The following PCYOX1 variants were observed in gnomAD, a reference collection of about 807,000 sequenced individuals.
PCYOX1 encodes prenylcysteine lyase.
PCYOX1 carries 46 observed loss-of-function variants against 46.4 expected under a neutral mutation model. That is an observed-to-expected ratio of 0.99 (90% confidence interval 0.78 to 1.27). The LOEUF is 1.27. Ranked by LOEUF, PCYOX1 falls within the 50% of genes most tolerant of loss-of-function variation. The pLI, the probability that PCYOX1 is intolerant of heterozygous loss-of-function variation, is 0.00. For synonymous variants in PCYOX1, 220 were observed against 231.8 expected (o/e 0.95, Z 0.46); for missense variants, 658 against 628.3 (o/e 1.05, Z -0.51).
intron 3 of PCYOX1, 96 bp downstream of exon 3, chr2:70,261,482 T>G: frequency 2.4e-6 from 2 of 843,198 alleles, no homozygotes; most frequent in Non-Finnish European, 3.8e-6. Flanking sequence ...GTAAGCATTT[T>G]CTACCTCACA....
At chr2:70,270,151 C>T (rs762998788) in intron 3 of PCYOX1, among the ~76,000 whole-genome samples, 3 of 151,968 alleles carry the variant, frequency 2.0e-5, no homozygotes, top group African/African-American at 7.3e-5. Flanking sequence ...TGTGCCACCA[C>T]ACCTGGCTAA....
In PCYOX1 at chr2:70,275,546, C is replaced by CT. The variant is rs778647039; in HGVS notation, c.742dup (p.Trp248LeufsTer8). 1 of 1,614,112 alleles carries CT rather than the reference C, an allele frequency of 6.2e-7. No homozygotes were observed. Among genetic ancestry groups the CT allele is most frequent in the Non-Finnish European group, 8.5e-7 (1 of 1,179,998 alleles). ...GTCACTGTCCTGTTCTGATTCTGGC[C>CT]TTTGGGCAGTAGAAGGTGGCAATAA... On this transcript the variant is annotated frameshift_variant, in exon 5 of 6. Transcript: ENST00000433351. LOFTEE classifies it high-confidence loss of function.
At chr2:70,268,754 A>G (rs948274739) in intron 3 of PCYOX1, among the ~76,000 whole-genome samples, 1 of 151,002 alleles carries the variant, frequency 6.6e-6, no homozygotes, top group Non-Finnish European at 1.5e-5. Context: ...GAGCCATTGC[A>G]CTCCAGCCTG....
intron 2 of PCYOX1, 37 bp downstream of exon 2, chr2:70,259,603 G>A (rs1696407474): frequency 1.4e-6 from 2 of 1,404,450 alleles, no homozygotes; most frequent in African/African-American, 1.4e-5. Flanking sequence ...CCAGATTACT[G>A]TGTGACATCC....
rs756357200 is a variant in PCYOX1, at chr2:70,277,498, ATT to A, written c.*107_*108del. 20 of 934,274 alleles carry A rather than the reference ATT, an allele frequency of 2.1e-5. No individual in the cohort carries two copies. Among genetic ancestry groups the A allele is most frequent in the Admixed American group, 4.9e-5 (2 of 40,708 alleles). 57.9% of individuals were successfully genotyped at this position (934,274 alleles called of 1,614,324 possible). On this transcript the variant is annotated 3_prime_UTR_variant, in exon 6 of 6. Coordinates refer to ENST00000433351, the MANE Select transcript of PCYOX1 (RefSeq NM_016297.4). Reference sequence around the variant, plus strand: ...TTGAACCAGATATTTTGCCATTATCATTGTTTAATAAAAGTAATCCCTGCTGG... The same window carrying A: ...TTGAACCAGATATTTTGCCATTATCAGTTTAATAAAAGTAATCCCTGCTGG...
At chr2:70,268,644 A>C (rs1194378574) in intron 3 of PCYOX1, among the ~76,000 whole-genome samples, 1 of 151,970 alleles carries the variant, frequency 6.6e-6, no homozygotes. Context: ...CTAAAAATAC[A>C]AAAAATTAGC....
At position 70,279,880 on chromosome 2, in the gene PCYOX1, G is replaced by C. The variant is rs1252441502; in HGVS notation, c.*2488G>C. ...GGATCTCTTGAGGTCGGGAGTTTGAGACCAGCCTGGCCAACATGGTGAAAC... is the reference window on the plus strand; with the variant it reads ...GGATCTCTTGAGGTCGGGAGTTTGACACCAGCCTGGCCAACATGGTGAAAC... On this transcript the variant is annotated 3_prime_UTR_variant, in exon 6 of 6. Transcript: ENST00000433351. 6.6e-6 allele frequency: 1 copy of C among 152,146 alleles called. No homozygotes were observed. Among genetic ancestry groups the C allele is most frequent in the Non-Finnish European group, 1.5e-5 (1 of 68,070 alleles). The allele number at this position is 152,146 out of a possible 1,614,324, so 9.4% of individuals were successfully genotyped here.
chr2:70,258,317 G>T, intron 1 of PCYOX1, 41 bp downstream of exon 1: 1 of 1,354,386 alleles, frequency 7.4e-7, no homozygotes, highest in Non-Finnish European at 9.8e-7. Context: ...GCTGGAGCGC[G>T]CCCCGCGCCG....
At position 70,277,031 on chromosome 2, in the gene PCYOX1, T is replaced by C. The variant is rs1386932236; in HGVS notation, c.1157T>C (p.Val386Ala). ...SDLFINSIGI[V>A]PSVREKEDPE... ...TTGTTCATTAACAGTATTGGGATTG[T>C]GCCCTCTGTGAGAGAAAAGGAAGAT... is the stretch of plus-strand genomic sequence containing the variant. The change falls in exon 6 of 6, where the codon GTG (valine) becomes GCG (alanine). Residue 386 changes from valine (V) to alanine (A), a missense_variant. Val to Ala is a moderately conservative substitution (Grantham distance 64). Coordinates refer to ENST00000433351, the MANE Select transcript of PCYOX1 (RefSeq NM_016297.4). The C allele has an allele frequency of 1.2e-6, 2 of 1,614,006 alleles. No individual in the cohort carries two copies. The highest frequency in any genetic ancestry group is 8.5e-7 in the Non-Finnish European group (1 of 1,179,826).
chr2:70,268,765 G>T (rs1270616356), intron 3 of PCYOX1, among the ~76,000 whole-genome samples: 1 of 151,198 alleles, frequency 6.6e-6, no homozygotes, highest in Non-Finnish European at 1.5e-5. Context: ...CTCCAGCCTG[G>T]GCAACAAGCG....
upstream of PCYOX1, chr2:70,258,122 G>C (rs1573974829): frequency 6.8e-7 from 1 of 1,465,442 alleles, no homozygotes; most frequent in Non-Finnish European, 9.3e-7. Flanking sequence ...GCGGTGGGAG[G>C]ACTGCGGGGC....
chr2:70,274,722 C>A lies in PCYOX1; in HGVS notation c.495-237C>A, dbSNP rs952477769. On this transcript the variant is annotated intron_variant, in intron 3 of 5. Transcript: ENST00000433351. Reference sequence around the variant, plus strand: ...GGGACCACAGGCATACACCACTATGCCTGGTTAATTTTTGTATTTTTAGTA... The same window carrying A: ...GGGACCACAGGCATACACCACTATGACTGGTTAATTTTTGTATTTTTAGTA... 2.1e-5 allele frequency: 10 copies of A among 480,098 alleles called. No homozygotes were observed. The South Asian group carries it at 2.1e-4, about 10-fold the overall frequency. The allele number at this position is 480,098 out of a possible 1,614,324, so 29.7% of individuals were successfully genotyped here. A position where few individuals can be genotyped will look rare whatever the true frequency, so the allele number is the denominator to read the frequency against.
At position 70,273,162 on chromosome 2, in the gene PCYOX1, T is replaced by C. The variant is rs72904342; in HGVS notation, c.495-1797T>C. ...GCAGGAGCAGTTGGGGAATATGTTT[T>C]TTATAGCATCATTAGTAGCTTATTT... On this transcript the variant is annotated intron_variant, in intron 3 of 5. Transcript: ENST00000433351. 4.4e-3 allele frequency among the ~76,000 whole-genome samples: 666 copies of C among 152,310 alleles called. 7 individuals carry two copies. The highest frequency in any genetic ancestry group is 0.015 in the African/African-American group (627 of 41,560).
intron 5 of PCYOX1, among the ~76,000 whole-genome samples, chr2:70,276,098 TAAAA>T (rs568163191): frequency 2.3e-4 from 24 of 105,440 alleles, no homozygotes; most frequent in East Asian, 2.9e-4. Flanking sequence ...AGACTCCATC[TAAAA>T]AAAAAAAAAA....
chr2:70,265,924 A>T (rs1483626517), intron 3 of PCYOX1, among the ~76,000 whole-genome samples: 1 of 152,094 alleles, frequency 6.6e-6, no homozygotes, highest in African/African-American at 2.4e-5. Flanking sequence ...AACCCACTCT[A>T]TCTTGAATCC....
At chr2:70,272,138 T>G (rs1319273472) in intron 3 of PCYOX1, among the ~76,000 whole-genome samples, 1 of 150,902 alleles carries the variant, frequency 6.6e-6, no homozygotes, top group Non-Finnish European at 1.5e-5. Flanking sequence ...TTTTTTTTTT[T>G]TTTTTTGAGA....
At chr2:70,259,712 G>T in intron 2 of PCYOX1, 146 bp downstream of exon 2, 1 of 550,674 alleles carries the variant, frequency 1.8e-6, no homozygotes. Context: ...TTGTTAGTTG[G>T]TACTGCCTGA....
At chr2:70,258,603 ATCTT>A (rs1696383137) in intron 1 of PCYOX1, 1 of 257,930 alleles carries the variant, frequency 3.9e-6, no homozygotes, top group South Asian at 5.8e-5. Flanking sequence ...AGGTTTCTCT[ATCTT>A]CCCGTTGAAC....
At chr2:70,276,597 C>A in intron 5 of PCYOX1, 137 bp from the exon 6 acceptor site, 1 of 564,458 alleles carries the variant, frequency 1.8e-6, no homozygotes, top group Non-Finnish European at 3.1e-6. Flanking sequence ...AATAAAAATG[C>A]AAGGGACAAC....
Sources: allele counts gnomAD v4.1 joint callset (sites outside exome capture counted in the v4.1 genomes callset), GRCh38; gene constraint gnomAD v4.1.1; transcripts MANE v1.5; gene names NCBI Gene and HGNC (gene_info 2026-07-23, HGNC 2026-07-21).